The following ANO10 variants were observed in gnomAD, a reference collection of about 807,000 sequenced individuals.
ANO10 encodes the protein anoctamin 10, also known as anoctamin-10.
In ANO10, 77 loss-of-function variants were observed where a neutral mutation model predicts 74.7. The observed-to-expected ratio is 1.03, with a 90% confidence interval of 0.86 to 1.25. The LOEUF is 1.25. Ranked by LOEUF, ANO10 falls within the 50% of genes most tolerant of loss-of-function variation. The pLI, the probability that ANO10 is intolerant of heterozygous loss-of-function variation, is 0.00. For synonymous variants in ANO10, 279 were observed against 284.9 expected (o/e 0.98, Z 0.21); for missense variants, 721 against 778.1 (o/e 0.93, Z 0.87).
At chr3:43,600,967 A>G (rs1443384728) in intron 2 of ANO10, among the ~76,000 whole-genome samples, 13 of 152,232 alleles carry the variant, frequency 8.5e-5, no homozygotes, top group Non-Finnish European at 1.9e-4. Context: ...CAGTAAAAAG[A>G]AAAACCAAAA....
At chr3:43,427,730 C>T (rs1337101154) in intron 12 of ANO10, among the ~76,000 whole-genome samples, 3 of 152,144 alleles carry the variant, frequency 2.0e-5, no homozygotes, top group South Asian at 2.1e-4. Flanking sequence ...AGTTACAAAG[C>T]AGATAGTTAA....
At chr3:43,565,438 T>C (rs377678806) in intron 8 of ANO10, among the ~76,000 whole-genome samples, 1 of 152,342 alleles carries the variant, frequency 6.6e-6, no homozygotes, top group South Asian at 2.1e-4. Flanking sequence ...TGCCCTATAC[T>C]TAATTTTTCA....
chr3:43,475,556 C>CA (rs1170699924), intron 11 of ANO10, among the ~76,000 whole-genome samples: 1 of 152,028 alleles, frequency 6.6e-6, no homozygotes, highest in Non-Finnish European at 1.5e-5. Flanking sequence ...TTTCTACTGG[C>CA]AAAAAATGCC....
At chr3:43,653,681 A>G (rs906309205) in intron 1 of ANO10, among the ~76,000 whole-genome samples, 1 of 152,234 alleles carries the variant, frequency 6.6e-6, no homozygotes, top group Admixed American at 6.5e-5. Context: ...ATAGGTGATT[A>G]GATAAATAAA....
At chr3:43,540,777 G>A (rs1259979882) in intron 11 of ANO10, among the ~76,000 whole-genome samples, 4 of 152,208 alleles carry the variant, frequency 2.6e-5, no homozygotes, top group Admixed American at 2.6e-4. Flanking sequence ...AACAGGGGAA[G>A]GAGGTGAAGA....
At chr3:43,545,797 G>T (rs2079165950) in intron 11 of ANO10, among the ~76,000 whole-genome samples, 1 of 152,108 alleles carries the variant, frequency 6.6e-6, no homozygotes, top group African/African-American at 2.4e-5. Flanking sequence ...CCTATGAAAT[G>T]ATTAGCAAAA....
chr3:43,478,715 T>C (rs9815196), intron 11 of ANO10, among the ~76,000 whole-genome samples: 75,174 of 152,096 alleles, frequency 0.49, 20,684 homozygotes, highest in East Asian at 0.83. Context: ...ACAGTACAAT[T>C]TTTCTCATTT....
chr3:43,617,113 C>T (rs2083148593), intron 1 of ANO10, among the ~76,000 whole-genome samples: 1 of 149,742 alleles, frequency 6.7e-6, no homozygotes, highest in African/African-American at 2.5e-5. Flanking sequence ...GTTCTGGAAT[C>T]TACTTTTACC....
intron 12 of ANO10, among the ~76,000 whole-genome samples, chr3:43,414,214 C>G (rs2092705415): frequency 6.6e-6 from 1 of 152,166 alleles, no homozygotes; most frequent in Non-Finnish European, 1.5e-5. Flanking sequence ...TCAGTTCAAA[C>G]AATGGCTACT....
chr3:43,375,845 T>C (rs2091784878), intron 12 of ANO10, among the ~76,000 whole-genome samples: 1 of 152,250 alleles, frequency 6.6e-6, no homozygotes, highest in Admixed American at 6.5e-5. Context: ...ATGAATTTAA[T>C]GCCATATAAT....
chr3:43,410,215 A>G (rs764640523), intron 12 of ANO10, among the ~76,000 whole-genome samples: 57 of 152,038 alleles, frequency 3.7e-4, no homozygotes, highest in Non-Finnish European at 6.8e-4. Flanking sequence ...TTTTACTAAG[A>G]AGTTGTTGCA....
intron 12 of ANO10, among the ~76,000 whole-genome samples, chr3:43,408,910 T>C (rs1335374482): frequency 2.0e-5 from 3 of 152,088 alleles, no homozygotes; most frequent in African/African-American, 4.8e-5. Flanking sequence ...CATGCACCTG[T>C]AGTCCCAGCT....
intron 5 of ANO10, 44 bp from the exon 6 acceptor site, chr3:43,577,305 C>A: frequency 6.4e-7 from 1 of 1,566,934 alleles, no homozygotes. Context: ...GACTACCAAA[C>A]ACTTTAAAAA....
At chr3:43,674,206 C>T (rs1474072977) in intron 1 of ANO10, among the ~76,000 whole-genome samples, 1 of 152,190 alleles carries the variant, frequency 6.6e-6, no homozygotes, top group African/African-American at 2.4e-5. Flanking sequence ...GTGGCATAAT[C>T]ATAGCTCACT....
At chr3:43,497,316 G>C (rs907979037) in intron 11 of ANO10, among the ~76,000 whole-genome samples, 1 of 152,122 alleles carries the variant, frequency 6.6e-6, no homozygotes, top group Non-Finnish European at 1.5e-5. Flanking sequence ...TTGTAATTAA[G>C]GAGAAAAGAT....
At chr3:43,566,769 A>C (rs549361643) in intron 7 of ANO10, among the ~76,000 whole-genome samples, 2 of 152,234 alleles carry the variant, frequency 1.3e-5, no homozygotes, top group Non-Finnish European at 2.9e-5. Context: ...AACTCTAAAA[A>C]GCAGAGCGCC....
At chr3:43,495,146 G>A (rs1315008178) in intron 11 of ANO10, among the ~76,000 whole-genome samples, 3 of 151,734 alleles carry the variant, frequency 2.0e-5, no homozygotes, top group African/African-American at 4.8e-5. Context: ...TGGAAAAGAC[G>A]GTTTAATAAA....
At chr3:43,471,289 GATTT>G (rs1243501609) in intron 11 of ANO10, among the ~76,000 whole-genome samples, 2 of 152,110 alleles carry the variant, frequency 1.3e-5, no homozygotes, top group Admixed American at 6.5e-5. Flanking sequence ...ATAAATAAAA[GATTT>G]ATTTTTTCCT....
At chr3:43,646,983 A>G (rs1575577673) in intron 1 of ANO10, among the ~76,000 whole-genome samples, 1 of 152,276 alleles carries the variant, frequency 6.6e-6, no homozygotes, top group East Asian at 1.9e-4. Context: ...GCGGGAAAGA[A>G]AAGCACCCTC....
Sources: allele counts gnomAD v4.1 joint callset (sites outside exome capture counted in the v4.1 genomes callset), GRCh38; gene constraint gnomAD v4.1.1; transcripts MANE v1.5; gene names NCBI Gene and HGNC (gene_info 2026-07-23, HGNC 2026-07-21).